Variants in NBPF14 observed in about 807,000 individuals in gnomAD.
The protein encoded by NBPF14 is NBPF family member NBPF14.
In NBPF14, 104 loss-of-function variants were observed where a neutral mutation model predicts 91.2. The ratio of observed to expected loss-of-function variants is 1.14; its 90% CI spans 0.97 to 1.34. The LOEUF is 1.34. Among genes scored for constraint, NBPF14 ranks in the 40% most tolerant of loss-of-function variants. The pLI is 0.00. For synonymous variants in NBPF14, 294 were observed against 303.8 expected (o/e 0.97, Z 0.34); for missense variants, 908 against 783.0 (o/e 1.16, Z -1.91).
intron 70 of NBPF14, among the ~76,000 whole-genome samples, chr1:148,533,616 A>T: frequency 6.8e-6 from 1 of 146,834 alleles, no homozygotes; most frequent in Non-Finnish European, 1.5e-5. Context: ...TATGCTCAAA[A>T]TTCGATGCAG....
intron 6 of NBPF14, among the ~76,000 whole-genome samples, chr1:148,589,879 C>A (rs1662165941): frequency 6.8e-6 from 1 of 147,556 alleles, no homozygotes; most frequent in Non-Finnish European, 1.5e-5. Context: ...ATTACAAGCG[C>A]CAAGTAACAT....
At chr1:148,542,032 G>A (rs1655610088) in intron 59 of NBPF14, among the ~76,000 whole-genome samples, 193 bp from the exon 60 acceptor site, 2 of 51,800 alleles carry the variant, frequency 3.9e-5, no homozygotes, top group Non-Finnish European at 5.7e-5. Context: ...GAAACTGTGG[G>A]TAAAATGTCC....
chr1:148,559,162 T>A (rs1348895172), intron 37 of NBPF14, 90 bp from the exon 38 acceptor site: 7 of 595,542 alleles, frequency 1.2e-5, no homozygotes, highest in Non-Finnish European at 2.0e-5. Context: ...CACAGGGACT[T>A]CAGGCTCCTC....
chr1:148,575,551 G>C, intron 17 of NBPF14, 88 bp downstream of exon 17: 2 of 95,242 alleles, frequency 2.1e-5, no homozygotes, highest in South Asian at 1.2e-4. Flanking sequence ...GACGTCTCTC[G>C]GGTCAGTAAG....
chr1:148,571,288 G>C (rs1408364169), intron 22 of NBPF14, among the ~76,000 whole-genome samples: 2 of 88,804 alleles, frequency 2.3e-5, no homozygotes, highest in Admixed American at 1.0e-4. Flanking sequence ...GAGAGAGAGA[G>C]AGAGAACGAG....
At chr1:148,534,464 C>A (rs1320181400) in intron 69 of NBPF14, among the ~76,000 whole-genome samples, 3 of 151,702 alleles carry the variant, frequency 2.0e-5, no homozygotes, top group East Asian at 1.9e-4. Flanking sequence ...CAGGGCGCCA[C>A]AGGTATGGCC....
chr1:148,534,278 A>G (rs1211365508), intron 69 of NBPF14, among the ~76,000 whole-genome samples: 1 of 151,796 alleles, frequency 6.6e-6, no homozygotes, highest in East Asian at 1.9e-4. Flanking sequence ...AATGATTTCT[A>G]GGAGAAAAAC....
At chr1:148,592,620 T>A (rs1237366778) in exon 4 of NBPF14, 12 of 1,579,308 alleles carry the variant, frequency 7.6e-6, no homozygotes, top group Non-Finnish European at 9.5e-6. Context: ...TTGGAGGTCC[T>A]GCCCCTGGGA....
At chr1:148,557,794 G>C (rs1368045987) in intron 39 of NBPF14, among the ~76,000 whole-genome samples, 1 of 114,070 alleles carries the variant, frequency 8.8e-6, no homozygotes, top group Non-Finnish European at 1.7e-5. Context: ...TGTGCAAACA[G>C]TTATGCTTTA....
At chr1:148,561,887 G>T (rs1243949635) in intron 34 of NBPF14, among the ~76,000 whole-genome samples, 1 of 132,166 alleles carries the variant, frequency 7.6e-6, no homozygotes, top group African/African-American at 3.8e-5. Flanking sequence ...ACTGATGAGG[G>T]AGTAACAGGA....
At chr1:148,559,406 C>G (rs1189077819) in intron 37 of NBPF14, among the ~76,000 whole-genome samples, 27 of 133,978 alleles carry the variant, frequency 2.0e-4, no homozygotes, top group Non-Finnish European at 3.0e-5. Flanking sequence ...CACTATTCAC[C>G]CTGTCTCATC....
At chr1:148,577,636 C>G (rs1476766400) in intron 14 of NBPF14, among the ~76,000 whole-genome samples, 4 of 148,904 alleles carry the variant, frequency 2.7e-5, no homozygotes, top group South Asian at 2.1e-4. Flanking sequence ...ATGAGGGAGT[C>G]AAAGGACACT....
chr1:148,533,691 A>G (rs1654230257), intron 70 of NBPF14, among the ~76,000 whole-genome samples, 170 bp downstream of exon 70: 1 of 150,612 alleles, frequency 6.6e-6, no homozygotes, highest in Admixed American at 6.7e-5. Flanking sequence ...TGATAAGGGG[A>G]GGAAGAAATG....
intron 3 of NBPF14, among the ~76,000 whole-genome samples, chr1:148,593,205 G>A (rs1293224296): frequency 6.7e-6 from 1 of 148,490 alleles, no homozygotes; most frequent in Non-Finnish European, 1.5e-5. Context: ...ACAGGGTCGA[G>A]GAGGCAACAT....
intron 69 of NBPF14, among the ~76,000 whole-genome samples, 174 bp downstream of exon 69, chr1:148,534,510 T>G (rs1435109708): frequency 1.3e-5 from 2 of 151,772 alleles, no homozygotes; most frequent in Non-Finnish European, 2.9e-5. Context: ...ACTGACCCAT[T>G]TCATGTCTAG....
chr1:148,559,416 C>T lies in NBPF14; in HGVS notation c.4730-344G>A, dbSNP rs1467046630. ...AACTGCACTATTCACCCTGTCTCAT[C>T]AAATACTCAGATTGTTCATGGTAGC... On this transcript the variant is annotated intron_variant, in intron 37 of 70. Coordinates refer to ENST00000619423, the Ensembl canonical transcript of NBPF14. Among the ~76,000 whole-genome samples, 7 of 134,116 alleles carry T rather than the reference C, an allele frequency of 5.2e-5. 1 individual carries two copies. Among genetic ancestry groups the T allele is most frequent in the African/African-American group, 1.1e-4 (3 of 28,218 alleles). 88.0% of individuals were successfully genotyped at this position (134,116 alleles called of 152,430 possible).
At chr1:148,568,865 AG>A (rs1489056248) in intron 25 of NBPF14, among the ~76,000 whole-genome samples, 3 of 147,232 alleles carry the variant, frequency 2.0e-5, no homozygotes, top group East Asian at 2.0e-4. Flanking sequence ...TGCACTATTC[AG>A]CCCTGTCTCA....
intron 6 of NBPF14, among the ~76,000 whole-genome samples, chr1:148,590,135 G>A (rs1306886667): frequency 5.3e-5 from 7 of 131,464 alleles, no homozygotes; most frequent in Admixed American, 3.2e-4. Flanking sequence ...TGCAAGCTCC[G>A]GTTCCTGGGT....
At chr1:148,535,079 G>A (rs1327042583) in intron 68 of NBPF14, among the ~76,000 whole-genome samples, 1 of 146,402 alleles carries the variant, frequency 6.8e-6, no homozygotes, top group Non-Finnish European at 1.5e-5. Context: ...AGGAGAAAGT[G>A]AGCTCAGCGA....
Sources: allele counts gnomAD v4.1 joint callset (sites outside exome capture counted in the v4.1 genomes callset), GRCh38; gene constraint gnomAD v4.1.1; transcripts MANE v1.5; gene names NCBI Gene and HGNC (gene_info 2026-07-23, HGNC 2026-07-21).